Variants in SASH1 observed in about 807,000 individuals in gnomAD.
The protein encoded by SASH1 is SAM and SH3 domain containing 1.
Under a neutral mutation model 125.2 loss-of-function variants are expected in SASH1, and 44 were observed. The observed-to-expected ratio is 0.35, with a 90% CI of 0.28 to 0.45. SASH1 has a LOEUF of 0.45. Ranked by LOEUF, SASH1 falls within the 20% of genes least tolerant of loss-of-function variation. The probability of loss-of-function intolerance (pLI) is 1.00; values close to 1 mark genes in which losing one functional copy is unlikely to be tolerated. For synonymous variants in SASH1, 639 were observed against 649.1 expected (o/e 0.98, Z 0.24); for missense variants, 1,426 against 1,614.5 (o/e 0.88, Z 2.00).
chr6:148,210,828 T>C, the SASH1 span, among the ~76,000 whole-genome samples: 1 of 152,174 alleles, frequency 6.6e-6, no homozygotes, highest in South Asian at 2.1e-4. Context: ...GTGACAAAGG[T>C]ATAGAATTGT....
chr6:148,247,437 G>A, the SASH1 span, among the ~76,000 whole-genome samples: 503 of 152,282 alleles, frequency 3.3e-3, 1 homozygote, highest in African/African-American at 0.011. Flanking sequence ...GAGACCTGAC[G>A]CTGTGATGGC....
intron 4 of SASH1, among the ~76,000 whole-genome samples, chr6:148,450,914 A>G (rs927834218): frequency 6.6e-6 from 1 of 152,080 alleles, no homozygotes; most frequent in African/African-American, 2.4e-5. Flanking sequence ...TGACCTTTCT[A>G]TCTGTAGTTT....
rs1453907437 is a variant in SASH1 at position 148,361,971 on chromosome 6, T to C, written c.156+18748T>C. ...CTCTGTCGCCCAGGCTGGAGTGCAGTGGCGCGATCTCGGCTCACTGCAAGC... is the reference window on the plus strand; with the variant it reads ...CTCTGTCGCCCAGGCTGGAGTGCAGCGGCGCGATCTCGGCTCACTGCAAGC... On this transcript the variant is annotated intron_variant, in intron 1 of 19. Transcript: ENST00000367467. Among the ~76,000 whole-genome samples the C allele has an allele frequency of 2.0e-5, 3 of 146,938 alleles. No homozygotes were observed. The East Asian group carries it at 6.1e-4, about 30-fold the overall frequency.
chr6:148,271,613 A>C (rs896569095), upstream of SASH1, among the ~76,000 whole-genome samples: 10 of 152,180 alleles, frequency 6.6e-5, no homozygotes, highest in African/African-American at 2.4e-4. Flanking sequence ...ACTTCTTTTC[A>C]GGGTTATTAA....
intron 16 of SASH1, among the ~76,000 whole-genome samples, chr6:148,538,885 C>A (rs1782044899): frequency 6.6e-6 from 1 of 152,160 alleles, no homozygotes; most frequent in South Asian, 2.1e-4. Flanking sequence ...AAAATGTTTT[C>A]TTGGTTTCTG....
intron 2 of SASH1, among the ~76,000 whole-genome samples, chr6:148,401,104 A>C (rs1784150452): frequency 6.6e-6 from 1 of 152,038 alleles, no homozygotes; most frequent in African/African-American, 2.4e-5. Flanking sequence ...GAAAACAAAA[A>C]CGAGCTGGGA....
chr6:148,350,647 G>A (rs2114663416), intron 1 of SASH1, among the ~76,000 whole-genome samples: 1 of 152,178 alleles, frequency 6.6e-6, no homozygotes, highest in East Asian at 1.9e-4. Context: ...TAATCCCACT[G>A]TAATAGACGA....
intron 1 of SASH1, among the ~76,000 whole-genome samples, 184 bp downstream of exon 1, chr6:148,343,407 C>A (rs1474159943): frequency 6.6e-6 from 1 of 152,166 alleles, no homozygotes; most frequent in Non-Finnish European, 1.5e-5. Flanking sequence ...TAAAAAATAA[C>A]CAGCCACAGG....
In SASH1 at chr6:148,404,693, C is replaced by T. The variant is rs1281358507; in HGVS notation, c.285+14431C>T. Among the ~76,000 whole-genome samples the T allele has an allele frequency of 3.5e-5, 4 of 114,026 alleles. No homozygotes were observed. The Admixed American group carries it at 3.7e-4, about 11-fold the overall frequency. 74.8% of individuals were successfully genotyped at this position (114,026 alleles called of 152,430 possible). A position where few individuals can be genotyped will look rare whatever the true frequency, so the allele number is the denominator to read the frequency against. On this transcript the variant is annotated intron_variant, in intron 2 of 19. Transcript: ENST00000367467. ...CTCATCCCAACCCCAGCCCCACCCC[C>T]ACCACCTGCCCCCCAAGCCCAGCCT...
Position 148,332,800 on chromosome 6 carries a change from A to G in SASH1, n.75-57334A>G, listed in dbSNP as rs534751787. Among the ~76,000 whole-genome samples the G allele has an allele frequency of 4.6e-5, 7 of 152,208 alleles. No homozygotes were observed. In the South Asian group the frequency reaches 1.5e-3, roughly 32 times the overall value. ...CAGGAGTTCGAGACCAGCCAGACCA[A>G]CATGGTAAAACCCCATCTCTACTAA... is the stretch of plus-strand genomic sequence containing the variant. On this transcript the variant is annotated intron_variant and non_coding_transcript_variant, in intron 1 of 3. Transcript: ENST00000367469.
the SASH1 span, among the ~76,000 whole-genome samples, chr6:148,218,704 A>G: frequency 6.6e-6 from 1 of 152,144 alleles, no homozygotes; most frequent in Non-Finnish European, 1.5e-5. Context: ...AGTACTTTGG[A>G]AGAAGTTCTG....
At chr6:148,513,861 G>T (rs555343340) in intron 8 of SASH1, 4 of 985,996 alleles carry the variant, frequency 4.1e-6, no homozygotes, top group Non-Finnish European at 4.8e-6. Context: ...TTTGATTTTC[G>T]GGGGAGGGCT....
At chr6:148,289,150 C>G (rs1240041842) in intron 1 of SASH1, among the ~76,000 whole-genome samples, 3 of 152,072 alleles carry the variant, frequency 2.0e-5, no homozygotes, top group Admixed American at 2.0e-4. Flanking sequence ...TAAAACGAAA[C>G]AAAACAAAGC....
chr6:148,507,402 G>T lies in SASH1; in HGVS notation c.730-6922G>T, dbSNP rs527851016. ...TTGTTGTTGTTTGAGATGGAGTCTC[G>T]CTCTGTCGCCCAAGCTGGAGTGCAG... On this transcript the variant is annotated intron_variant, in intron 8 of 19. Transcript: ENST00000367467. Among the ~76,000 whole-genome samples the T allele has an allele frequency of 3.1e-4, 44 of 142,856 alleles. 2 individuals carry two copies. In the South Asian group the frequency reaches 9.3e-3, roughly 30 times the overall value. 93.7% of individuals were successfully genotyped at this position (142,856 alleles called of 152,430 possible).
the SASH1 span, among the ~76,000 whole-genome samples, chr6:148,199,959 T>C: frequency 2.1e-4 from 32 of 152,144 alleles, no homozygotes; most frequent in Non-Finnish European, 4.3e-4. Flanking sequence ...GGATATTGAA[T>C]AGGTCACCCT....
At chr6:148,250,432 G>T in the SASH1 span, among the ~76,000 whole-genome samples, 2 of 152,006 alleles carry the variant, frequency 1.3e-5, no homozygotes, top group Admixed American at 6.6e-5. Flanking sequence ...ACTTCTTAAG[G>T]GTTCTTAAGT....
chr6:148,305,691 A>T (rs1201404776), intron 1 of SASH1, among the ~76,000 whole-genome samples: 1 of 152,116 alleles, frequency 6.6e-6, no homozygotes, highest in African/African-American at 2.4e-5. Flanking sequence ...GTCAGGATTC[A>T]GCATTTAAAC....
intron 17 of SASH1, among the ~76,000 whole-genome samples, chr6:148,542,851 AGTGT>A (rs56094441): frequency 0.082 from 12,274 of 149,154 alleles, 526 homozygotes; most frequent in Non-Finnish European, 0.096. Flanking sequence ...AACAAGGGAC[AGTGT>A]GTGTGTGTGT....
intron 9 of SASH1, among the ~76,000 whole-genome samples, chr6:148,517,170 A>C (rs1015874721): frequency 1.3e-5 from 2 of 152,184 alleles, no homozygotes; most frequent in African/African-American, 2.4e-5. Context: ...TCATCACAAC[A>C]GCCTTGCCAG....
Sources: gnomAD v4.1 joint callset for allele counts (sites outside exome capture counted in the v4.1 genomes callset) on GRCh38, gnomAD v4.1.1 for gene constraint, MANE v1.5 for transcripts, NCBI Gene and HGNC (gene_info 2026-07-23, HGNC 2026-07-21) for gene names.